The following TUBGCP3 variants were observed in gnomAD, a reference collection of about 807,000 sequenced individuals.
TUBGCP3 encodes the protein tubulin gamma complex component 3, also known as gamma-tubulin complex component 3.
In TUBGCP3, 50 loss-of-function variants were observed where a neutral mutation model predicts 123.1. The observed-to-expected ratio is 0.41, with a 90% confidence interval of 0.32 to 0.51. The LOEUF (loss-of-function observed/expected upper bound fraction) is 0.51, where lower values mean the gene tolerates loss of function less well. Among genes scored for constraint, TUBGCP3 ranks in the 20% least tolerant of loss-of-function variants. The pLI is 0.36. For missense variants in TUBGCP3, 882 were observed against 1,127.0 expected, an observed-to-expected ratio of 0.78 and a Z score of 3.11; for synonymous variants, 405 against 413.9, an observed-to-expected ratio of 0.98 and a Z score of 0.26.
intron 10 of TUBGCP3, 63 bp downstream of exon 10, chr13:112,547,548 CGCGCGTGGG>C (rs1566567350): frequency 1.1e-5 from 9 of 833,948 alleles, no homozygotes; most frequent in African/African-American, 1.6e-4. Context: ...ATGGGAAAGT[CGCGCGTGGG>C]AAAGTCGCGC....
At chr13:112,564,669 A>G (rs1183798478) in intron 3 of TUBGCP3, among the ~76,000 whole-genome samples, 1 of 152,236 alleles carries the variant, frequency 6.6e-6, no homozygotes. Context: ...AAAAAAGGTT[A>G]GAAAAATCAT....
At chr13:112,594,830 A>G in the TUBGCP3 span, among the ~76,000 whole-genome samples, 1 of 152,224 alleles carries the variant, frequency 6.6e-6, no homozygotes, top group Non-Finnish European at 1.5e-5. Context: ...ACCCATGGAT[A>G]ATGAAAAGTG....
intron 7 of TUBGCP3, among the ~76,000 whole-genome samples, chr13:112,554,595 T>G (rs1879870551): frequency 6.6e-6 from 1 of 152,216 alleles, no homozygotes; most frequent in African/African-American, 2.4e-5. Flanking sequence ...AAGGGACCTC[T>G]GTCCCCTGGG....
At chr13:112,491,441 C>T (rs1166345903) in intron 20 of TUBGCP3, among the ~76,000 whole-genome samples, 3 of 152,178 alleles carry the variant, frequency 2.0e-5, no homozygotes, top group Admixed American at 2.0e-4. Flanking sequence ...AGGAAGCCCA[C>T]ACTGCGTGGT....
chr13:112,527,626 T>C, intron 11 of TUBGCP3, 142 bp from the exon 12 acceptor site: 1 of 605,568 alleles, frequency 1.7e-6, no homozygotes. Context: ...CAATAAAACT[T>C]GTATGAAACA....
chr13:112,507,059 A>G (rs547874802), intron 17 of TUBGCP3, among the ~76,000 whole-genome samples: 8 of 152,206 alleles, frequency 5.3e-5, no homozygotes, highest in Non-Finnish European at 1.2e-4. Flanking sequence ...TATTTCTCAG[A>G]TGTGATTTGA....
chr13:112,545,914 T>G lies in TUBGCP3; in HGVS notation c.1169-49A>C. ...ACAAAAACATCCACATTTACACTCATAGTACACACCAGTCACTTCTCACCA... is the reference window on the plus strand; with the variant it reads ...ACAAAAACATCCACATTTACACTCAGAGTACACACCAGTCACTTCTCACCA... On this transcript the variant is annotated intron_variant, in intron 10 of 21. Transcript: ENST00000261965. The surrounding 1 kb of genome is among the most constrained non-coding windows in gnomAD (Gnocchi z 4.1). 1.9e-6 allele frequency: 3 copies of G among 1,589,420 alleles called. No homozygotes were observed. Among genetic ancestry groups the G allele is most frequent in the Non-Finnish European group, 2.6e-6 (3 of 1,160,482 alleles).
At chr13:112,562,079 AT>A (rs1345581423) in intron 3 of TUBGCP3, among the ~76,000 whole-genome samples, 1 of 138,536 alleles carries the variant, frequency 7.2e-6, no homozygotes, top group Non-Finnish European at 1.6e-5. Context: ...AGGAGCAACT[AT>A]GGGAATACCA....
At chr13:112,565,080 G>T in intron 3 of TUBGCP3, 31 bp downstream of exon 3, 1 of 1,597,740 alleles carries the variant, frequency 6.3e-7, no homozygotes, top group Non-Finnish European at 8.6e-7. Flanking sequence ...TCAACAATGA[G>T]TGCAATGACC....
intron 1 of TUBGCP3, among the ~76,000 whole-genome samples, chr13:112,582,787 C>A (rs1373840839): frequency 1.3e-5 from 2 of 152,180 alleles, no homozygotes; most frequent in Non-Finnish European, 2.9e-5. Context: ...GTGGGCAGTT[C>A]TCAGGTTCCT....
intron 11 of TUBGCP3, among the ~76,000 whole-genome samples, chr13:112,534,234 T>C (rs765043920): frequency 1.3e-5 from 2 of 152,182 alleles, no homozygotes; most frequent in African/African-American, 2.4e-5. Flanking sequence ...GAAATCCTCA[T>C]GCCCATATCA....
chr13:112,498,719 G>A (rs1051007334), intron 20 of TUBGCP3: 2 of 1,447,322 alleles, frequency 1.4e-6, no homozygotes, highest in Non-Finnish European at 1.8e-6. Flanking sequence ...AACACAGAGT[G>A]ATGCAGAGCG....
chr13:112,504,590 A>C (rs779355640), intron 18 of TUBGCP3, 36 bp downstream of exon 18: 2 of 1,560,246 alleles, frequency 1.3e-6, no homozygotes, highest in African/African-American at 1.4e-5. Flanking sequence ...GACATGACTT[A>C]TTTAAACTAA....
chr13:112,516,341 G>A (rs2077339231), intron 17 of TUBGCP3, 99 bp downstream of exon 17: 5 of 1,289,714 alleles, frequency 3.9e-6, no homozygotes, highest in Non-Finnish European at 3.0e-6. Flanking sequence ...GTCACCGTGA[G>A]TCTACCTTAA....
chr13:112,563,394 T>C (rs1379396560), intron 3 of TUBGCP3, among the ~76,000 whole-genome samples: 2 of 152,174 alleles, frequency 1.3e-5, no homozygotes, highest in African/African-American at 2.4e-5. Context: ...GTTGGTCTTA[T>C]ACTATTATTT....
chr13:112,555,065 AT>A, intron 6 of TUBGCP3, 60 bp from the exon 7 acceptor site: 1 of 1,074,202 alleles, frequency 9.3e-7, no homozygotes, highest in Non-Finnish European at 1.4e-6. Flanking sequence ...GACAATAGAT[AT>A]TATGGTGCAA....
rs527408355 is a variant in TUBGCP3 at position 112,558,324 on chromosome 13, G to T, written c.420C>A (p.Pro140=). The T allele has an allele frequency of 7.2e-5, 116 of 1,614,044 alleles. No individual in the cohort carries two copies. In the South Asian group the frequency reaches 1.2e-3, roughly 17 times the overall value. ...GGGCACTCCGATCTTGGTAGCTCAG[G>T]GGAAGGGTCTGAGGCCTGGCATAGT... is the stretch of plus-strand genomic sequence containing the variant. ...PYYYARPQTL[P]LSYQDRSAQS... Residue 140 remains proline (P), a synonymous_variant, in exon 5 of 22, where the codon CCC becomes CCA. Transcript: ENST00000261965.
At chr13:112,560,861 C>T (rs1880461266) in intron 3 of TUBGCP3, among the ~76,000 whole-genome samples, 2 of 152,190 alleles carry the variant, frequency 1.3e-5, no homozygotes, top group Admixed American at 1.3e-4. Context: ...TCACAGGCAA[C>T]AGACAAGTGG....
rs1233499016 is a variant in TUBGCP3, at chr13:112,503,303, G to A, written c.2307+729C>T. Among the ~76,000 whole-genome samples the A allele has an allele frequency of 2.6e-5, 4 of 152,198 alleles. No homozygotes were observed. The South Asian group carries it at 6.2e-4, about 24-fold the overall frequency. On this transcript the variant is annotated intron_variant, in intron 19 of 21. Transcript: ENST00000261965. ...TGGAACGTGCAACTTTCAGAACATG[G>A]ACCCTAAGGGAAAAGAATGTTCGCG... is the stretch of plus-strand genomic sequence containing the variant.
Sources: allele counts gnomAD v4.1 joint callset (sites outside exome capture counted in the v4.1 genomes callset), GRCh38; gene constraint gnomAD v4.1.1; non-coding constraint Gnocchi (gnomAD v3.1); transcripts MANE v1.5; gene names NCBI Gene and HGNC (gene_info 2026-07-23, HGNC 2026-07-21).